The following TRIQK variants were observed in gnomAD, a reference collection of about 807,000 sequenced individuals.
TRIQK encodes triple QxxK/R motif containing, also known as triple QxxK/R motif-containing protein.
TRIQK carries 10 observed loss-of-function variants against 10.8 expected under a neutral mutation model. That is an observed-to-expected ratio of 0.92 (90% CI 0.57 to 1.57). The LOEUF (loss-of-function observed/expected upper bound fraction) is 1.57, where lower values mean the gene tolerates loss of function less well. TRIQK is among the 40% of genes most tolerant of loss of function. The pLI is 0.00. For synonymous variants in TRIQK, 33 were observed against 33.7 expected (o/e 0.98, Z 0.07); for missense variants, 107 against 97.7 (o/e 1.09, Z -0.40).
chr8:92,940,821 T>C (rs1211596737), intron 2 of TRIQK, among the ~76,000 whole-genome samples: 1 of 152,178 alleles, frequency 6.6e-6, no homozygotes, highest in Non-Finnish European at 1.5e-5. Flanking sequence ...TGCTGAAGAA[T>C]ATACATTCTA....
chr8:92,941,687 T>C (rs1811277557), intron 2 of TRIQK, among the ~76,000 whole-genome samples: 1 of 152,128 alleles, frequency 6.6e-6, no homozygotes, highest in South Asian at 2.1e-4. Context: ...AACAAACTCT[T>C]AGCCAAACTA....
At chr8:92,970,987 G>C (rs1264103436), upstream of TRIQK, among the ~76,000 whole-genome samples, 1 of 152,050 alleles carries the variant, frequency 6.6e-6, no homozygotes, top group Non-Finnish European at 1.5e-5. Flanking sequence ...GTATAAGGTC[G>C]GGGTCTAGTT....
At chr8:92,987,871 T>C (rs1563673263) in intron 1 of TRIQK, among the ~76,000 whole-genome samples, 1 of 152,068 alleles carries the variant, frequency 6.6e-6, no homozygotes, top group East Asian at 1.9e-4. Flanking sequence ...AATAATGATA[T>C]TGATGAAGAG....
chr8:92,946,092 G>T (rs989481784), intron 2 of TRIQK, among the ~76,000 whole-genome samples: 1 of 151,956 alleles, frequency 6.6e-6, no homozygotes, highest in African/African-American at 2.4e-5. Context: ...ATGATATACA[G>T]AAAATAATGA....
Position 92,960,671 on chromosome 8 carries a change from G to A in TRIQK, c.-181+5336C>T, listed in dbSNP as rs548932402. 7.2e-5 allele frequency: 11 copies of A among 152,292 alleles called. No individual in the cohort carries two copies. In the East Asian group the frequency reaches 1.7e-3, roughly 24 times the overall value. The allele number at this position is 152,292 out of a possible 1,614,324, so 9.4% of individuals were successfully genotyped here. On this transcript the variant is annotated intron_variant, in intron 1 of 4. Transcript: ENST00000521988. ...TTGCTGCAATGTTGCTGGCTTTGAC[G>A]TTGGAAGAAGGAGGCCATAAGCCAA...
chr8:92,891,861 AGTCTGGCATTCTATTTAGATTG>A (rs1816782189), intron 4 of TRIQK, 106 bp downstream of exon 4: 1 of 664,586 alleles, frequency 1.5e-6, no homozygotes, highest in Admixed American at 3.5e-5. Context: ...AAAACCTTTA[AGTCTGGCATTCTATTTAGATTG>A]TGAAATGTCA....
At chr8:92,956,232 A>C (rs781101954) in intron 1 of TRIQK, among the ~76,000 whole-genome samples, 2 of 151,864 alleles carry the variant, frequency 1.3e-5, no homozygotes, top group Non-Finnish European at 2.9e-5. Context: ...TAATGCTGCA[A>C]CATGGATGAA....
At chr8:92,990,413 CT>C (rs1040755995) in intron 1 of TRIQK, among the ~76,000 whole-genome samples, 3 of 151,976 alleles carry the variant, frequency 2.0e-5, no homozygotes, top group Non-Finnish European at 4.4e-5. Flanking sequence ...CCAAACCTGT[CT>C]ATATTACTGG....
chr8:92,953,610 G>A (rs1812019595), intron 2 of TRIQK: 1 of 151,942 alleles, frequency 6.6e-6, no homozygotes, highest in African/African-American at 2.4e-5. Context: ...AATAGCAAGT[G>A]CAAAAATTCT....
At chr8:92,940,670 A>G (rs1258827633) in intron 2 of TRIQK, among the ~76,000 whole-genome samples, 1 of 152,226 alleles carries the variant, frequency 6.6e-6, no homozygotes, top group Non-Finnish European at 1.5e-5. Flanking sequence ...ACTCCAACAC[A>G]ATAATAGCAC....
At chr8:92,898,833 G>GTA (rs67063066) in intron 3 of TRIQK, among the ~76,000 whole-genome samples, 5,999 of 73,552 alleles carry the variant, frequency 0.082, 255 homozygotes, top group East Asian at 0.12. Context: ...GTGTGTGTGT[G>GTA]TATATATATA....
chr8:93,000,451 T>A (rs1227971093), intron 1 of TRIQK, among the ~76,000 whole-genome samples: 2 of 152,176 alleles, frequency 1.3e-5, no homozygotes, highest in African/African-American at 4.8e-5. Context: ...CATCAGTTCT[T>A]GTGAGACTGA....
At chr8:92,999,467 TG>T (rs1367149040) in intron 1 of TRIQK, among the ~76,000 whole-genome samples, 3 of 152,182 alleles carry the variant, frequency 2.0e-5, no homozygotes, top group Non-Finnish European at 4.4e-5. Context: ...AATTATCAAA[TG>T]GAATATTCTG....
intron 4 of TRIQK, among the ~76,000 whole-genome samples, chr8:92,890,298 T>C (rs1816698020): frequency 1.3e-5 from 2 of 151,728 alleles, no homozygotes; most frequent in Admixed American, 1.3e-4. Flanking sequence ...TCAAGCAAAG[T>C]AAGTAATATT....
intron 1 of TRIQK, among the ~76,000 whole-genome samples, chr8:93,017,140 AGAGAGAGAGAG>A (rs1813392220): frequency 6.7e-6 from 1 of 148,768 alleles, no homozygotes; most frequent in Non-Finnish European, 1.5e-5. Context: ...AGAGAGAGAG[AGAGAGAGAGAG>A]AGAGAGAGAG....
chr8:92,984,705 T>C (rs946349905), intron 1 of TRIQK, among the ~76,000 whole-genome samples: 5 of 152,130 alleles, frequency 3.3e-5, no homozygotes, highest in Non-Finnish European at 7.4e-5. Context: ...AAAATAATTT[T>C]CCATGTAAAA....
intron 3 of TRIQK, among the ~76,000 whole-genome samples, chr8:92,911,208 G>A (rs73695593): frequency 1.5e-3 from 223 of 151,104 alleles, no homozygotes; most frequent in African/African-American, 5.2e-3. Flanking sequence ...TTTTATGGAA[G>A]CCTCATGATA....
intron 3 of TRIQK, among the ~76,000 whole-genome samples, chr8:92,913,208 C>G (rs1292437996): frequency 2.6e-5 from 4 of 152,102 alleles, no homozygotes; most frequent in Admixed American, 2.6e-4. Context: ...ATAAAAATCA[C>G]ATGATGATCT....
At chr8:92,935,840 A>G (rs143729147) in intron 2 of TRIQK, among the ~76,000 whole-genome samples, 179 of 151,664 alleles carry the variant, frequency 1.2e-3, no homozygotes, top group African/African-American at 3.9e-3. Context: ...ATTAAAACAC[A>G]TTTCTTAAAA....
Sources: allele counts gnomAD v4.1 joint callset (sites outside exome capture counted in the v4.1 genomes callset), GRCh38; gene constraint gnomAD v4.1.1; transcripts MANE v1.5; gene names NCBI Gene and HGNC (gene_info 2026-07-23, HGNC 2026-07-21).